The following ST6GALNAC2 variants were observed in gnomAD, a reference collection of about 807,000 sequenced individuals.
ST6GALNAC2 encodes ST6 N-acetylgalactosaminide alpha-2,6-sialyltransferase 2.
In ST6GALNAC2, 42 loss-of-function variants were observed where a neutral mutation model predicts 38.7. The ratio of observed to expected loss-of-function variants is 1.09; its 90% confidence interval spans 0.85 to 1.40. The LOEUF (loss-of-function observed/expected upper bound fraction) is 1.40. Ranked by LOEUF, ST6GALNAC2 falls within the 40% of genes most tolerant of loss-of-function variation. The probability of loss-of-function intolerance (pLI) is 0.00; values close to 1 mark genes in which losing one functional copy is unlikely to be tolerated. For missense variants in ST6GALNAC2, 506 were observed against 481.7 expected (o/e 1.05, Z -0.47); for synonymous variants, 233 against 209.0 (o/e 1.11, Z -0.99).
intron 8 of ST6GALNAC2, 60 bp from the exon 9 acceptor site, chr17:76,566,331 G>C: frequency 1.9e-6 from 3 of 1,562,184 alleles, no homozygotes; most frequent in Non-Finnish European, 2.6e-6. Flanking sequence ...ACAGACACTT[G>C]GGTGAAGTGA....
rs1598238934 is a variant in ST6GALNAC2 at position 76,566,249 on chromosome 17, G to A, written c.980C>T (p.Thr327Ile). 6.2e-7 allele frequency: 1 copy of A among 1,614,046 alleles called. No homozygotes were observed. Residue 327 changes from threonine to isoleucine, a missense_variant, in exon 9 of 9, where the codon ACA becomes ATA. Transcript: ENST00000225276. ...GTCGGAAAATTTCCAGTAGTTGCTT[G>A]TGATGAATCCATAGGCACTGACCTG... ...CDQVSAYGFI[T>I]SNYWKFSDHY...
intron 2 of ST6GALNAC2, among the ~76,000 whole-genome samples, chr17:76,575,279 C>T (rs974300570): frequency 6.6e-6 from 1 of 151,992 alleles, no homozygotes; most frequent in African/African-American, 2.4e-5. Context: ...CCAGGAAGAT[C>T]CGTGATAGTC....
intron 6 of ST6GALNAC2, 93 bp from the exon 7 acceptor site, chr17:76,568,889 G>A: frequency 1.6e-6 from 2 of 1,243,104 alleles, no homozygotes; most frequent in East Asian, 2.4e-5. Context: ...GAGTAGCCGC[G>A]GTACCCTGAG....
At chr17:76,572,586 G>GAACAATGGTGCCATTGTCAAC (rs750480830) in intron 5 of ST6GALNAC2, 51 bp downstream of exon 5, 1 of 1,607,880 alleles carries the variant, frequency 6.2e-7, no homozygotes, top group Non-Finnish European at 8.5e-7. Context: ...GGGACTCCAG[G>GAACAATGGTGCCATTGTCAAC]AACAATGGTG....
At chr17:76,582,496 A>G (rs2075491796) in intron 1 of ST6GALNAC2, among the ~76,000 whole-genome samples, 2 of 152,112 alleles carry the variant, frequency 1.3e-5, no homozygotes, top group Non-Finnish European at 2.9e-5. Flanking sequence ...TAGCCCTAAA[A>G]TGTTCTCTTT....
At chr17:76,584,806 A>G (rs1218093185) in intron 1 of ST6GALNAC2, among the ~76,000 whole-genome samples, 2 of 152,240 alleles carry the variant, frequency 1.3e-5, no homozygotes, top group East Asian at 1.9e-4. Flanking sequence ...GGGTGCGCAG[A>G]TGGAAAAGCT....
At position 76,585,816 on chromosome 17, in the gene ST6GALNAC2, C is replaced by T. The variant is rs111567841; in HGVS notation, c.-8G>A. 1.0e-3 allele frequency: 1,561 copies of T among 1,535,550 alleles called. 13 individuals carry two copies. The African/African-American group carries it at 0.016, about 16-fold the overall frequency. ...CCCGCGCGGGAGCCCCATACAGCCC[C>T]GGCCCGCGAGCGCCCCGTCCGCTGA... On this transcript the variant is annotated 5_prime_UTR_variant, in exon 1 of 9. Coordinates refer to ENST00000225276, the MANE Select transcript of ST6GALNAC2 (RefSeq NM_006456.3).
At chr17:76,567,757 C>T (rs1237159143) in intron 7 of ST6GALNAC2, 1 of 505,426 alleles carries the variant, frequency 2.0e-6, no homozygotes, top group Non-Finnish European at 3.6e-6. Context: ...AAAGGAACCA[C>T]AGGTTCCCCC....
chr17:76,568,637 G>T, intron 7 of ST6GALNAC2, 76 bp downstream of exon 7: 1 of 1,443,334 alleles, frequency 6.9e-7, no homozygotes, highest in South Asian at 1.1e-5. Flanking sequence ...TCGTGCGAGG[G>T]CGCTGACTGG....
At position 76,573,586 on chromosome 17, in the gene ST6GALNAC2, A is replaced by G. The variant is rs559094831; in HGVS notation, c.362-223T>C. Reference sequence around the variant, plus strand: ...GGCCTTCACTTGTCTTAAGAACTTGAATACCTTATCTTCTTAAGACTGGTG... The same window carrying G: ...GGCCTTCACTTGTCTTAAGAACTTGGATACCTTATCTTCTTAAGACTGGTG... On this transcript the variant is annotated intron_variant, in intron 3 of 8. Coordinates refer to ENST00000225276, the MANE Select transcript of ST6GALNAC2 (RefSeq NM_006456.3). This position sits in a 1 kb window ranked among gnomAD's most constrained non-coding sequence, Gnocchi z 5.1. Among the ~76,000 whole-genome samples the G allele has an allele frequency of 1.1e-4, 16 of 152,208 alleles. No homozygotes were observed. The South Asian group carries it at 3.3e-3, about 32-fold the overall frequency.
chr17:76,577,063 CT>C (rs201269670), intron 2 of ST6GALNAC2, among the ~76,000 whole-genome samples: 96,055 of 116,450 alleles, frequency 0.82, 38,686 homozygotes, highest in East Asian at 0.96. Context: ...TCTTTTTTTT[CT>C]TTTTTTTTTT....
rs1234438014 is a variant in ST6GALNAC2 at position 76,566,184 on chromosome 17, C to T, written c.1045G>A (p.Ala349Thr). ...ERKMKPLIFY[A>T]NHDLSLEAAL... ...GCTTCCAGGGACAGATCGTGGTTTG[C>T]ATAAAATATCAATGGCTTCATTTTT... Residue 349 changes from alanine to threonine, a missense_variant, in exon 9 of 9, where the codon GCA becomes ACA. By Grantham distance (58) the Ala-to-Thr change is moderately conservative. Coordinates refer to ENST00000225276, the MANE Select transcript of ST6GALNAC2 (RefSeq NM_006456.3). The T allele has an allele frequency of 6.2e-7, 1 of 1,614,086 alleles. No individual in the cohort carries two copies. Among genetic ancestry groups the T allele is most frequent in the South Asian group, 1.1e-5 (1 of 91,072 alleles).
chr17:76,566,235 T>C lies in ST6GALNAC2; in HGVS notation c.994A>G (p.Lys332Glu), dbSNP rs141836475. Residue 332 changes from lysine (K) to glutamate (E), a missense_variant, in exon 9 of 9, where the codon AAA becomes GAA. By Grantham distance (56) the Lys-to-Glu change is moderately conservative (BLOSUM62 1). Coordinates refer to ENST00000225276, the MANE Select transcript of ST6GALNAC2 (RefSeq NM_006456.3). ...CGTTCGAAATAGTGGTCGGAAAATT[T>C]CCAGTAGTTGCTTGTGATGAATCCA... ...AYGFITSNYWKFSDHYFERKM... is the reference protein window; with the variant it reads ...AYGFITSNYWEFSDHYFERKM... 1.9e-6 allele frequency: 3 copies of C among 1,614,164 alleles called. No homozygotes were observed. The highest frequency in any genetic ancestry group is 2.5e-6 in the Non-Finnish European group (3 of 1,180,046).
chr17:76,568,860 G>T (rs748902975), intron 6 of ST6GALNAC2, 64 bp from the exon 7 acceptor site: 2 of 1,560,586 alleles, frequency 1.3e-6, no homozygotes, highest in South Asian at 2.2e-5. Context: ...GGGAGATGGA[G>T]GGGAGGGTCA....
At chr17:76,579,079 C>A (rs2075448411) in intron 1 of ST6GALNAC2, 3 of 251,578 alleles carry the variant, frequency 1.2e-5, no homozygotes, top group South Asian at 1.3e-4. Context: ...GCCACCACAC[C>A]CAGCTAATTT....
chr17:76,576,278 AC>A (rs2075415041), intron 2 of ST6GALNAC2, among the ~76,000 whole-genome samples: 1 of 152,034 alleles, frequency 6.6e-6, no homozygotes, highest in Non-Finnish European at 1.5e-5. Context: ...AAAACGAAAA[AC>A]CACGGGCCTA....
intron 2 of ST6GALNAC2, among the ~76,000 whole-genome samples, chr17:76,576,084 A>C (rs912289900): frequency 1.3e-5 from 2 of 149,902 alleles, no homozygotes; most frequent in East Asian, 3.9e-4. Flanking sequence ...ATGTCTGCAA[A>C]AAAATGTTTT....
intron 7 of ST6GALNAC2, 28 bp from the exon 8 acceptor site, chr17:76,567,580 C>T: frequency 2.0e-6 from 3 of 1,475,456 alleles, no homozygotes; most frequent in African/African-American, 1.4e-5. Context: ...CATTTCAGCT[C>T]ACTAGCTTGA....
chr17:76,577,661 C>T (rs759546997), intron 2 of ST6GALNAC2, among the ~76,000 whole-genome samples: 7 of 151,032 alleles, frequency 4.6e-5, no homozygotes, highest in South Asian at 4.2e-4. Context: ...CTGCAACCTC[C>T]GTCTCCTGGG....
Sources: allele counts gnomAD v4.1 joint callset (sites outside exome capture counted in the v4.1 genomes callset), GRCh38; gene constraint gnomAD v4.1.1; non-coding constraint Gnocchi (gnomAD v3.1); transcripts MANE v1.5; gene names NCBI Gene and HGNC (gene_info 2026-07-23, HGNC 2026-07-21).